The following ASCC3 variants were observed in gnomAD, a reference collection of about 807,000 sequenced individuals.
ASCC3 encodes activating signal cointegrator 1 complex subunit 3.
ASCC3 carries 158 observed loss-of-function variants against 256.3 expected under a neutral mutation model. That is an observed-to-expected ratio of 0.62 (90% CI 0.54 to 0.70). The LOEUF is 0.70. Among genes scored for constraint, ASCC3 ranks in the 30% least tolerant of loss-of-function variants. The pLI, the probability that ASCC3 is intolerant of heterozygous loss-of-function variation, is 0.00. For missense variants in ASCC3, 2,259 were observed against 2,626.0 expected (o/e 0.86, Z 3.05); for synonymous variants, 948 against 883.4 (o/e 1.07, Z -1.30).
rs569839444 is a variant in ASCC3 at position 100,711,362 on chromosome 6, CAGTAA to C, written c.2151+4095_2151+4099del. ...GATAAAATATCTACTATGTGTCCCA[CAGTAA>C]AGTATTTATATTTTAATTTCCATTA... is the stretch of plus-strand genomic sequence containing the variant. On this transcript the variant is annotated intron_variant, in intron 13 of 41. Coordinates refer to ENST00000369162, the MANE Select transcript of ASCC3 (RefSeq NM_006828.4). Among the ~76,000 whole-genome samples the C allele has an allele frequency of 4.0e-3, 612 of 152,236 alleles. 5 individuals are homozygous for C. Among genetic ancestry groups the C allele is most frequent in the Middle Eastern group, 0.017 (5 of 294 alleles).
At chr6:100,724,447 AGGAAATTTTTTGGTAAAG>A (rs1779525991) in intron 11 of ASCC3, among the ~76,000 whole-genome samples, 2 of 152,062 alleles carry the variant, frequency 1.3e-5, no homozygotes, top group South Asian at 4.1e-4. Context: ...GATAGGTTTA[AGGAAATTTTTTGGTAAAG>A]ACAGAAGGGA....
Position 100,653,162 on chromosome 6 carries a change from T to C in ASCC3, c.2824-273A>G, listed in dbSNP as rs569571174. On this transcript the variant is annotated intron_variant, in intron 17 of 41. Transcript: ENST00000369162. The stretch of plus-strand genomic sequence containing the variant: ...AATCTAAAATTCTTATATGATCTTA[T>C]GATCTTTAAAATCACAAAGATTAAA... Among the ~76,000 whole-genome samples the C allele has an allele frequency of 8.0e-4, 122 of 152,338 alleles. 1 individual carries two copies. Among genetic ancestry groups the C allele is most frequent in the Non-Finnish European group, 1.0e-3 (71 of 68,032 alleles).
intron 37 of ASCC3, among the ~76,000 whole-genome samples, chr6:100,519,760 A>G (rs1582378172): frequency 6.6e-6 from 1 of 152,108 alleles, no homozygotes; most frequent in African/African-American, 2.4e-5. Context: ...TGGATGAACC[A>G]TATGTTCTTA....
intron 13 of ASCC3, among the ~76,000 whole-genome samples, chr6:100,686,960 T>C (rs1363951456): frequency 2.0e-5 from 3 of 152,006 alleles, no homozygotes; most frequent in African/African-American, 7.2e-5. Flanking sequence ...TTTTGATTTT[T>C]ACTTTTGGTA....
chr6:100,667,222 G>C (rs947345570), intron 14 of ASCC3, among the ~76,000 whole-genome samples: 2 of 152,276 alleles, frequency 1.3e-5, no homozygotes, highest in Non-Finnish European at 1.5e-5. Flanking sequence ...AGTCTTTACA[G>C]AAAATGTGAA....
chr6:100,536,051 CTG>C (rs989706547), intron 37 of ASCC3, among the ~76,000 whole-genome samples: 37 of 152,120 alleles, frequency 2.4e-4, no homozygotes, highest in African/African-American at 7.5e-4. Flanking sequence ...AAAAAAGTGA[CTG>C]TGCGTGTAAA....
At chr6:100,560,132 T>C (rs1178880992) in intron 36 of ASCC3, among the ~76,000 whole-genome samples, 1 of 152,188 alleles carries the variant, frequency 6.6e-6, no homozygotes, top group African/African-American at 2.4e-5. Flanking sequence ...ACATCTAACT[T>C]AGTGTCTGTT....
At chr6:100,675,845 A>C (rs866698873) in intron 14 of ASCC3, among the ~76,000 whole-genome samples, 4 of 152,320 alleles carry the variant, frequency 2.6e-5, no homozygotes, top group Non-Finnish European at 4.4e-5. Context: ...AGAACAGTTA[A>C]AGCCTGTTAA....
chr6:100,571,413 T>C (rs1049800366), intron 36 of ASCC3, among the ~76,000 whole-genome samples: 4 of 152,170 alleles, frequency 2.6e-5, no homozygotes, highest in South Asian at 4.1e-4. Context: ...ATCTCACTTA[T>C]ATTCACCTGA....
At chr6:100,655,914 C>T in intron 16 of ASCC3, 96 bp from the exon 17 acceptor site, 4 of 1,373,076 alleles carry the variant, frequency 2.9e-6, no homozygotes, top group East Asian at 2.3e-5. Flanking sequence ...TTTAAAAATA[C>T]ATCATTATGC....
chr6:100,759,325 C>A (rs1283873625), intron 10 of ASCC3, among the ~76,000 whole-genome samples: 1 of 152,122 alleles, frequency 6.6e-6, no homozygotes, highest in Non-Finnish European at 1.5e-5. Context: ...TGCCTATGTC[C>A]TGAATGGTAA....
chr6:100,816,769 G>A (rs971842240), intron 4 of ASCC3, among the ~76,000 whole-genome samples: 1 of 152,056 alleles, frequency 6.6e-6, no homozygotes, highest in Admixed American at 6.6e-5. Flanking sequence ...GAGGGTGGGA[G>A]GAGAGAGAAA....
At chr6:100,595,331 T>C (rs1466277091) in intron 34 of ASCC3, among the ~76,000 whole-genome samples, 1 of 152,160 alleles carries the variant, frequency 6.6e-6, no homozygotes, top group Non-Finnish European at 1.5e-5. Context: ...TCAGTTAAAA[T>C]TTTTTAAAAG....
intron 34 of ASCC3, among the ~76,000 whole-genome samples, chr6:100,593,076 A>G (rs1772088619): frequency 6.6e-6 from 1 of 152,106 alleles, no homozygotes; most frequent in South Asian, 2.1e-4. Context: ...AGACTTCTCT[A>G]TATTGGACTC....
At chr6:100,779,527 AC>A (rs1371212660) in intron 8 of ASCC3, among the ~76,000 whole-genome samples, 1 of 152,208 alleles carries the variant, frequency 6.6e-6, no homozygotes, top group Non-Finnish European at 1.5e-5. Context: ...CTGAGGATAA[AC>A]CTAATTTATA....
intron 10 of ASCC3, among the ~76,000 whole-genome samples, chr6:100,760,072 C>A (rs1054027864): frequency 2.0e-5 from 3 of 152,072 alleles, no homozygotes; most frequent in South Asian, 4.1e-4. Flanking sequence ...ATAGTGTTTT[C>A]TAAATATAAA....
chr6:100,614,082 T>C (rs1409200743), intron 30 of ASCC3, among the ~76,000 whole-genome samples: 1 of 152,202 alleles, frequency 6.6e-6, no homozygotes, highest in Non-Finnish European at 1.5e-5. Context: ...TTTGGCACGC[T>C]GTTGGTAGGA....
chr6:100,758,622 T>C (rs1781294842), intron 10 of ASCC3, among the ~76,000 whole-genome samples: 1 of 152,226 alleles, frequency 6.6e-6, no homozygotes, highest in South Asian at 2.1e-4. Context: ...CCACATTTTC[T>C]TTATCCAGTC....
chr6:100,734,269 G>A (rs972321063), intron 10 of ASCC3, among the ~76,000 whole-genome samples: 19 of 152,100 alleles, frequency 1.2e-4, no homozygotes, highest in African/African-American at 4.6e-4. Context: ...AGATTAAATA[G>A]GTACTATGTA....
Sources: gnomAD v4.1 joint callset for allele counts (sites outside exome capture counted in the v4.1 genomes callset) on GRCh38, gnomAD v4.1.1 for gene constraint, MANE v1.5 for transcripts, NCBI Gene and HGNC (gene_info 2026-07-23, HGNC 2026-07-21) for gene names.